The following SEC22C variants were observed in gnomAD, a reference collection of about 807,000 sequenced individuals.
SEC22C encodes the protein vesicle-trafficking protein SEC22c.
In SEC22C, 29 loss-of-function variants were observed where a neutral mutation model predicts 34.7. The ratio of observed to expected loss-of-function variants is 0.84; its 90% CI spans 0.62 to 1.14. The LOEUF (loss-of-function observed/expected upper bound fraction) is 1.14, where lower values mean the gene tolerates loss of function less well. Ranked by LOEUF, SEC22C falls within the 50% of genes most tolerant of loss-of-function variation. SEC22C has a pLI of 0.00. For missense variants in SEC22C, 337 were observed against 369.0 expected (o/e 0.91, Z 0.71); for synonymous variants, 117 against 132.8 (o/e 0.88, Z 0.82).
At chr3:42,571,653 A>C (rs1703636863) in intron 1 of SEC22C, among the ~76,000 whole-genome samples, 1 of 152,198 alleles carries the variant, frequency 6.6e-6, no homozygotes, top group Admixed American at 6.5e-5. Context: ...CAGGGATTTG[A>C]TATTTGTGAA....
chr3:42,576,428 T>C (rs2125722341), intron 1 of SEC22C, among the ~76,000 whole-genome samples: 1 of 152,222 alleles, frequency 6.6e-6, no homozygotes, highest in Non-Finnish European at 1.5e-5. Context: ...GACAGAGTGA[T>C]ACTTCATCTA....
intron 1 of SEC22C, among the ~76,000 whole-genome samples, chr3:42,570,819 T>C (rs1437315362): frequency 1.3e-5 from 2 of 152,186 alleles, no homozygotes; most frequent in African/African-American, 4.8e-5. Flanking sequence ...AAAAGAGTTA[T>C]AGGGCACAAA....
upstream of SEC22C, among the ~76,000 whole-genome samples, chr3:42,583,823 T>G (rs989293764): frequency 6.6e-6 from 1 of 152,186 alleles, no homozygotes; most frequent in African/African-American, 2.4e-5. Context: ...TCCCCTAATC[T>G]CCTAACTCTA....
At chr3:42,583,481 G>C (rs1704501627), upstream of SEC22C, among the ~76,000 whole-genome samples, 1 of 152,206 alleles carries the variant, frequency 6.6e-6, no homozygotes, top group Non-Finnish European at 1.5e-5. Context: ...ACTGGAAGAG[G>C]AGATAAGATT....
intron 1 of SEC22C, among the ~76,000 whole-genome samples, chr3:42,574,363 CAAAAAAAA>C (rs202174342): frequency 1.1e-5 from 1 of 87,896 alleles, no homozygotes; most frequent in Non-Finnish European, 2.2e-5. Flanking sequence ...GACCCTGTCT[CAAAAAAAA>C]AAAAAAAAAA....
Position 42,549,468 on chromosome 3 carries a change from T to G in SEC22C, c.*3780A>C. On this transcript the variant is annotated 3_prime_UTR_variant, in exon 7 of 7. Transcript: ENST00000264454. ...GCAGAGAGAGAACCCCCAGCTCTGC[T>G]CCCTACCTATGCCCTGCTTCCTGTG... 1 of 985,910 alleles carries G rather than the reference T, an allele frequency of 1.0e-6. No homozygotes were observed. The highest frequency in any genetic ancestry group is 1.2e-6 in the Non-Finnish European group (1 of 830,338). 61.1% of individuals were successfully genotyped at this position (985,910 alleles called of 1,614,324 possible).
At chr3:42,586,299 T>G (rs927957695), upstream of SEC22C, among the ~76,000 whole-genome samples, 1 of 152,208 alleles carries the variant, frequency 6.6e-6, no homozygotes, top group Non-Finnish European at 1.5e-5. Flanking sequence ...TGAGGCTTAC[T>G]GCAACCTCTG....
Position 42,561,236 on chromosome 3 carries a change from C to T in SEC22C, c.407G>A (p.Cys136Tyr). 1 of 1,614,200 alleles carries T rather than the reference C, an allele frequency of 6.2e-7. No homozygotes were observed. The highest frequency in any genetic ancestry group is 8.5e-7 in the Non-Finnish European group (1 of 1,180,032). ...CTCCTCCTGAATTTTTTCCAAGCTG[C>T]ACTCCATCTGAGAGGAACTTACATA... ...FNYVSSSQME[C>Y]SLEKIQEELK... Residue 136 changes from cysteine to tyrosine, a missense_variant, in exon 4 of 7, where the codon TGC (cysteine) becomes TAC (tyrosine). By Grantham distance (194) the Cys-to-Tyr change is radical (BLOSUM62 -2). Transcript: ENST00000264454.
At position 42,555,943 on chromosome 3, in the gene SEC22C, G is replaced by C; in HGVS notation, c.698C>G (p.Ala233Gly). ...NILAFLVPFV[A>G]CIFQCYLYLF... Reference sequence around the variant, plus strand: ...CGTTTCACCCACCTGGAAAATGCAGGCTACGAAAGGAACAAGAAAAGCCAG... The same window carrying C: ...CGTTTCACCCACCTGGAAAATGCAGCCTACGAAAGGAACAAGAAAAGCCAG... Residue 233 changes from alanine (A) to glycine (G), a missense_variant, in exon 6 of 7, where the codon GCC becomes GGC. Coordinates refer to ENST00000264454, the MANE Select transcript of SEC22C (RefSeq NM_032970.4). 1.4e-5 allele frequency: 23 copies of C among 1,613,484 alleles called. No homozygotes were observed. The highest frequency in any genetic ancestry group is 1.9e-5 in the Non-Finnish European group (23 of 1,179,558).
chr3:42,596,052 A>T, intron 1 of SEC22C, among the ~76,000 whole-genome samples: 1 of 149,036 alleles, frequency 6.7e-6, no homozygotes, highest in African/African-American at 2.5e-5. Context: ...TTTTTTTGAG[A>T]CGGAATCTCG....
chr3:42,556,230 CT>C (rs1468992695), intron 5 of SEC22C, among the ~76,000 whole-genome samples: 1 of 152,192 alleles, frequency 6.6e-6, no homozygotes, highest in Non-Finnish European at 1.5e-5. Context: ...AGTCTGCAAC[CT>C]GGAATGGGCC....
At chr3:42,598,335 T>TC (rs199912002) in intron 1 of SEC22C, among the ~76,000 whole-genome samples, 4,905 of 151,824 alleles carry the variant, frequency 0.032, 129 homozygotes, top group East Asian at 0.11. Flanking sequence ...AATTTTTTTT[T>TC]TTTTTTTTTT....
At chr3:42,592,451 C>T (rs1350866301) in intron 1 of SEC22C, among the ~76,000 whole-genome samples, 5 of 152,160 alleles carry the variant, frequency 3.3e-5, no homozygotes, top group Admixed American at 6.5e-5. Flanking sequence ...CCACCCACCT[C>T]GACCTCCCAA....
chr3:42,570,587 TAAAAATGTG>T (rs1201058216), intron 1 of SEC22C, among the ~76,000 whole-genome samples: 1 of 151,500 alleles, frequency 6.6e-6, no homozygotes, highest in Non-Finnish European at 1.5e-5. Context: ...CATTGGGGAG[TAAAAATGTG>T]AAAAGCCCCA....
Position 42,581,627 on chromosome 3 carries a change from G to A in SEC22C, c.-28+219C>T, listed in dbSNP as rs568906538. 2.0e-4 allele frequency among the ~76,000 whole-genome samples: 31 copies of A among 152,394 alleles called. No homozygotes were observed. In the South Asian group the frequency reaches 6.4e-3, roughly 32 times the overall value. On this transcript the variant is annotated intron_variant, in intron 1 of 6. Coordinates refer to ENST00000264454, the MANE Select transcript of SEC22C (RefSeq NM_032970.4). ...GGGTTCCTGCAGGCGCGTGCCTTGG[G>A]TGGCCCCGGGGTCCGGGAACAGGCT...
chr3:42,552,297 C>A lies in SEC22C; in HGVS notation c.*951G>T. Reference sequence around the variant, plus strand: ...TTTGGAGGCGCTCTGGGAACAGGTACACAGGGTACAGTAGTCATCATCATT... The same window carrying A: ...TTTGGAGGCGCTCTGGGAACAGGTAAACAGGGTACAGTAGTCATCATCATT... On this transcript the variant is annotated 3_prime_UTR_variant, in exon 7 of 7. Coordinates refer to ENST00000264454, the MANE Select transcript of SEC22C (RefSeq NM_032970.4). The A allele has an allele frequency of 1.0e-6, 1 of 985,352 alleles. No individual in the cohort carries two copies. The highest frequency in any genetic ancestry group is 1.7e-5 in the African/African-American group (1 of 57,322). 61.0% of individuals were successfully genotyped at this position (985,352 alleles called of 1,614,324 possible).
chr3:42,551,726 C>T lies in SEC22C; in HGVS notation c.*1522G>A. The T allele has an allele frequency of 1.0e-6, 1 of 959,724 alleles. No homozygotes were observed. The highest frequency in any genetic ancestry group is 1.8e-5 in the African/African-American group (1 of 56,836). 59.5% of individuals were successfully genotyped at this position (959,724 alleles called of 1,614,324 possible). Reference sequence around the variant, plus strand: ...ATGGCAACATTTTCCCAACATAGTTCCCAGTATATAAACTTATTTTTCTTA... The same window carrying T: ...ATGGCAACATTTTCCCAACATAGTTTCCAGTATATAAACTTATTTTTCTTA... On this transcript the variant is annotated 3_prime_UTR_variant, in exon 7 of 7. Transcript: ENST00000264454.
Position 42,548,415 on chromosome 3 carries a change from T to A in SEC22C, c.*4833A>T, listed in dbSNP as rs1271875052. 1 of 616,454 alleles carries A rather than the reference T, an allele frequency of 1.6e-6. No individual in the cohort carries two copies. Among genetic ancestry groups the A allele is most frequent in the Non-Finnish European group, 2.9e-6 (1 of 346,844 alleles). 38.2% of individuals were successfully genotyped at this position (616,454 alleles called of 1,614,324 possible). A position where few individuals can be genotyped will look rare whatever the true frequency, so the allele number is the denominator to read the frequency against. On this transcript the variant is annotated 3_prime_UTR_variant, in exon 7 of 7. Coordinates refer to ENST00000264454, the MANE Select transcript of SEC22C (RefSeq NM_032970.4). ...ATGGATTTGTTAATTTTACCCTAAA[T>A]AAAAGGCGCTTGTGGGCAACAGCTC...
intron 1 of SEC22C, chr3:42,580,442 C>T (rs963487825): frequency 6.6e-6 from 1 of 152,182 alleles, no homozygotes; most frequent in African/African-American, 2.4e-5. Flanking sequence ...ACTGAATTCA[C>T]CTTCAGCCAC....
Sources: allele counts gnomAD v4.1 joint callset (sites outside exome capture counted in the v4.1 genomes callset), GRCh38; gene constraint gnomAD v4.1.1; transcripts MANE v1.5; gene names NCBI Gene and HGNC (gene_info 2026-07-23, HGNC 2026-07-21).